Variants in AUTS2 observed in about 807,000 individuals in gnomAD.
AUTS2 encodes autism susceptibility gene 2 protein.
A neutral mutation model predicts 112.4 loss-of-function variants in AUTS2; 17 were observed. The ratio of observed to expected loss-of-function variants is 0.15; its 90% confidence interval spans 0.10 to 0.23. The LOEUF (loss-of-function observed/expected upper bound fraction) is 0.23. Ranked by LOEUF, AUTS2 falls within the 10% of genes least tolerant of loss-of-function variation. AUTS2 has a pLI of 1.00. For missense variants in AUTS2, 1,510 were observed against 1,701.6 expected, an observed-to-expected ratio of 0.89 and a Z score of 1.98; for synonymous variants, 751 against 702.7, an observed-to-expected ratio of 1.07 and a Z score of -1.09.
chr7:70,343,495 T>TC (rs1205314629), intron 4 of AUTS2, among the ~76,000 whole-genome samples: 1 of 152,214 alleles, frequency 6.6e-6, no homozygotes, highest in Non-Finnish European at 1.5e-5. Flanking sequence ...ACACTATCTA[T>TC]CCCACTGGAT....
At chr7:70,194,030 G>A (rs1810040261) in intron 4 of AUTS2, among the ~76,000 whole-genome samples, 1 of 152,148 alleles carries the variant, frequency 6.6e-6, no homozygotes, top group South Asian at 2.1e-4. Flanking sequence ...ATCTGTGATT[G>A]TGCCATGAAA....
chr7:70,592,122 A>G (rs1020486432), intron 5 of AUTS2, among the ~76,000 whole-genome samples: 7 of 152,266 alleles, frequency 4.6e-5, no homozygotes, highest in African/African-American at 1.7e-4. Context: ...ATACATATTA[A>G]GAAAAAATAT....
At chr7:70,049,889 TATATATGAAGATATG>T (rs1801669954) in intron 2 of AUTS2, among the ~76,000 whole-genome samples, 1 of 151,988 alleles carries the variant, frequency 6.6e-6, no homozygotes, top group Non-Finnish European at 1.5e-5. Flanking sequence ...GTGTAAAACA[TATATATGAAGATATG>T]ATATATGAAG....
intron 1 of AUTS2, among the ~76,000 whole-genome samples, chr7:69,830,678 T>C (rs1026854950): frequency 6.6e-5 from 10 of 152,226 alleles, no homozygotes; most frequent in Non-Finnish European, 1.5e-4. Flanking sequence ...TAGCTTGCAA[T>C]GGAGCATATT....
At chr7:70,639,580 G>T (rs553471290) in intron 5 of AUTS2, among the ~76,000 whole-genome samples, 2 of 127,714 alleles carry the variant, frequency 1.6e-5, no homozygotes, top group African/African-American at 6.2e-5. Context: ...TTACACCACC[G>T]CACTCCAGCC....
chr7:69,755,102 C>T (rs1787894150), intron 1 of AUTS2, among the ~76,000 whole-genome samples: 1 of 152,162 alleles, frequency 6.6e-6, no homozygotes, highest in South Asian at 2.1e-4. Flanking sequence ...TTGACGAGGT[C>T]ACCCATCAAG....
intron 2 of AUTS2, among the ~76,000 whole-genome samples, chr7:70,004,211 A>T (rs1441086237): frequency 3.0e-5 from 4 of 135,252 alleles, no homozygotes; most frequent in Non-Finnish European, 6.1e-5. Flanking sequence ...ATATATATGA[A>T]TGTGTTATAT....
At chr7:69,980,742 G>A (rs1021979280) in intron 2 of AUTS2, among the ~76,000 whole-genome samples, 3 of 152,078 alleles carry the variant, frequency 2.0e-5, no homozygotes, top group Admixed American at 2.0e-4. Context: ...AAAAAAAATT[G>A]ATGTCCAAGT....
At chr7:69,755,302 G>A (rs952931990) in intron 1 of AUTS2, among the ~76,000 whole-genome samples, 3 of 152,192 alleles carry the variant, frequency 2.0e-5, no homozygotes, top group East Asian at 1.9e-4. Context: ...ACAAAGCACC[G>A]TGGTATCTTG....
intron 2 of AUTS2, among the ~76,000 whole-genome samples, chr7:70,092,585 C>A (rs1322501419): frequency 6.6e-6 from 1 of 152,120 alleles, no homozygotes; most frequent in African/African-American, 2.4e-5. Flanking sequence ...ACTTGGCATG[C>A]AGACATGAGC....
intron 5 of AUTS2, among the ~76,000 whole-genome samples, chr7:70,462,957 CAA>C (rs11376710): frequency 7.2e-6 from 1 of 138,914 alleles, no homozygotes. Flanking sequence ...GACTCCGTCT[CAA>C]AAAAAAAAAA....
rs779729601 is a variant in AUTS2, at chr7:70,789,996, G to A, written c.2780G>A (p.Arg927His). The A allele has an allele frequency of 2.3e-5, 37 of 1,601,324 alleles. No homozygotes were observed. Among genetic ancestry groups the A allele is most frequent in the Non-Finnish European group, 2.7e-5 (32 of 1,174,340 alleles). The change falls in exon 19 of 19, where the codon CGC (arginine) becomes CAC (histidine). Residue 927 changes from arginine (R) to histidine (H), a missense_variant. Physicochemically the swap from Arg to His is conservative, Grantham distance 29. Transcript: ENST00000342771. ...PEKDGHGHEG[R>H]AAGEEAKQLA... The stretch of plus-strand genomic sequence containing the variant: ...AAGGACGGGCACGGCCACGAGGGGC[G>A]CGCCGCGGGCGAAGAGGCCAAGCAG...
At position 70,381,058 on chromosome 7, in the gene AUTS2, G is replaced by A. The variant is rs147049302; in HGVS notation, c.661-54694G>A. Reference sequence around the variant, plus strand: ...AGTTAAAAATATTGGCAATGATACCGTATAAATAATATTTGCTCTCATCCA... The same window carrying A: ...AGTTAAAAATATTGGCAATGATACCATATAAATAATATTTGCTCTCATCCA... On this transcript the variant is annotated intron_variant, in intron 4 of 18. Coordinates refer to ENST00000342771, the MANE Select transcript of AUTS2 (RefSeq NM_015570.4). Among the ~76,000 whole-genome samples the A allele has an allele frequency of 3.6e-3, 544 of 152,230 alleles. 3 individuals carry two copies. Among genetic ancestry groups the A allele is most frequent in the African/African-American group, 0.01 (433 of 41,534 alleles).
chr7:70,728,316 G>T (rs547093973), intron 6 of AUTS2, among the ~76,000 whole-genome samples: 2 of 152,242 alleles, frequency 1.3e-5, no homozygotes, highest in African/African-American at 4.8e-5. Context: ...TCCTTAAAGT[G>T]CAGGATTATC....
chr7:70,356,107 T>C (rs79045606), intron 4 of AUTS2, among the ~76,000 whole-genome samples: 1 of 152,198 alleles, frequency 6.6e-6, no homozygotes. Flanking sequence ...ATTAATGTGC[T>C]CAGAACAAGG....
At chr7:70,161,264 C>T (rs1223899857) in intron 4 of AUTS2, among the ~76,000 whole-genome samples, 1 of 151,480 alleles carries the variant, frequency 6.6e-6, no homozygotes, top group African/African-American at 2.4e-5. Flanking sequence ...ATGAATCTTT[C>T]CCCCAATTTT....
At chr7:70,500,663 G>C (rs1489351079) in intron 5 of AUTS2, among the ~76,000 whole-genome samples, 2 of 152,070 alleles carry the variant, frequency 1.3e-5, no homozygotes, top group African/African-American at 4.8e-5. Flanking sequence ...CAAGTGCTTA[G>C]AGAAATGCTT....
At chr7:70,667,969 C>T (rs1389372676) in intron 5 of AUTS2, among the ~76,000 whole-genome samples, 1 of 152,198 alleles carries the variant, frequency 6.6e-6, no homozygotes, top group Non-Finnish European at 1.5e-5. Flanking sequence ...CACATTCTGC[C>T]TGAGCAGGTC....
intron 5 of AUTS2, among the ~76,000 whole-genome samples, chr7:70,618,242 C>T (rs1804482536): frequency 6.6e-6 from 1 of 152,288 alleles, no homozygotes; most frequent in South Asian, 2.1e-4. Context: ...CAAGTGGTTG[C>T]CGTGGGCTTT....
Sources: gnomAD v4.1 joint callset for allele counts (sites outside exome capture counted in the v4.1 genomes callset) on GRCh38, gnomAD v4.1.1 for gene constraint, MANE v1.5 for transcripts, NCBI Gene and HGNC (gene_info 2026-07-23, HGNC 2026-07-21) for gene names.